The following PDE10A variants were observed in gnomAD, a reference collection of about 807,000 sequenced individuals.
PDE10A encodes phosphodiesterase 10A.
A neutral mutation model predicts 97.7 loss-of-function variants in PDE10A; 39 were observed. The observed-to-expected ratio is 0.40, with a 90% confidence interval of 0.31 to 0.52. The LOEUF (loss-of-function observed/expected upper bound fraction) is 0.52. Among genes scored for constraint, PDE10A ranks in the 20% least tolerant of loss-of-function variants. The probability of loss-of-function intolerance (pLI) is 0.56; values close to 1 mark genes in which losing one functional copy is unlikely to be tolerated. For synonymous variants in PDE10A, 371 were observed against 376.8 expected (o/e 0.98, Z 0.18); for missense variants, 731 against 1,047.8 (o/e 0.70, Z 4.17).
At chr6:165,718,935 C>G (rs1792095045) in intron 1 of PDE10A, among the ~76,000 whole-genome samples, 1 of 151,852 alleles carries the variant, frequency 6.6e-6, no homozygotes, top group Admixed American at 6.6e-5. Flanking sequence ...CTATAATATT[C>G]TCAGAGGAAA....
At chr6:165,392,862 C>G in intron 15 of PDE10A, 66 bp from the exon 16 acceptor site, 2 of 1,426,296 alleles carry the variant, frequency 1.4e-6, no homozygotes, top group Non-Finnish European at 2.0e-6. Context: ...GGAGAACTCC[C>G]TAGTTTAGGT....
intron 1 of PDE10A, among the ~76,000 whole-genome samples, 189 bp from the exon 2 acceptor site, chr6:165,543,757 T>G (rs1783590074): frequency 6.6e-6 from 1 of 152,084 alleles, no homozygotes; most frequent in Non-Finnish European, 1.5e-5. Context: ...GACAGCAAAG[T>G]TTTGGAACTA....
intron 1 of PDE10A, among the ~76,000 whole-genome samples, chr6:165,809,217 G>GC (rs552911508): frequency 7.0e-4 from 106 of 152,320 alleles, no homozygotes; most frequent in African/African-American, 2.5e-3. Flanking sequence ...AAACACTGGT[G>GC]CCCCCCTTCA....
intron 1 of PDE10A, among the ~76,000 whole-genome samples, chr6:165,714,034 T>C (rs917629855): frequency 2.6e-4 from 39 of 152,188 alleles, no homozygotes; most frequent in African/African-American, 8.9e-4. Context: ...CTGTGTGAGC[T>C]CTAATACATG....
At chr6:165,840,086 C>T (rs937018836) in intron 1 of PDE10A, among the ~76,000 whole-genome samples, 1 of 25,772 alleles carries the variant, frequency 3.9e-5, no homozygotes, top group Admixed American at 4.7e-4. Context: ...CCACCTTCAT[C>T]CCCATCCCCA....
chr6:165,559,705 T>C (rs905193520), intron 1 of PDE10A, among the ~76,000 whole-genome samples: 16 of 152,280 alleles, frequency 1.1e-4, no homozygotes, highest in African/African-American at 3.9e-4. Flanking sequence ...CATCTTGAAT[T>C]GTAGCTCCCA....
chr6:165,972,094 T>C (rs1784696717), intron 1 of PDE10A, among the ~76,000 whole-genome samples: 1 of 152,014 alleles, frequency 6.6e-6, no homozygotes, highest in Non-Finnish European at 1.5e-5. Context: ...TGAAAGAATC[T>C]CACTTAAAGA....
intron 18 of PDE10A, among the ~76,000 whole-genome samples, chr6:165,372,902 G>C (rs1267044485): frequency 1.3e-5 from 2 of 151,856 alleles, no homozygotes; most frequent in East Asian, 1.9e-4. Flanking sequence ...TGGAACAGAA[G>C]AGAGCCCTCA....
chr6:165,369,555 C>A (rs1158532461), intron 18 of PDE10A, among the ~76,000 whole-genome samples: 4 of 145,770 alleles, frequency 2.7e-5, no homozygotes, highest in Non-Finnish European at 6.0e-5. Flanking sequence ...ATGAGCAAAG[C>A]CTCCAAGAAA....
At chr6:165,815,773 CTT>C (rs1779392893) in intron 1 of PDE10A, among the ~76,000 whole-genome samples, 1 of 151,946 alleles carries the variant, frequency 6.6e-6, no homozygotes, top group South Asian at 2.1e-4. Context: ...TACTTTCACT[CTT>C]TTTTAAATAG....
chr6:165,477,239 G>C (rs1779344705), intron 3 of PDE10A, among the ~76,000 whole-genome samples: 1 of 152,132 alleles, frequency 6.6e-6, no homozygotes, highest in African/African-American at 2.4e-5. Flanking sequence ...CATCTGCATG[G>C]AAAGCTCCTA....
chr6:165,624,528 C>T (rs1788293059), intron 1 of PDE10A, among the ~76,000 whole-genome samples: 1 of 152,200 alleles, frequency 6.6e-6, no homozygotes. Context: ...CCTCCTAAAA[C>T]TTAACATTCT....
chr6:165,945,638 A>C (rs1783740520), intron 1 of PDE10A, among the ~76,000 whole-genome samples: 1 of 152,196 alleles, frequency 6.6e-6, no homozygotes, highest in African/African-American at 2.4e-5. Flanking sequence ...CGGAGGTGCC[A>C]TCTACAAACC....
chr6:165,404,117 T>C (rs1181580459), intron 13 of PDE10A, among the ~76,000 whole-genome samples: 3 of 152,306 alleles, frequency 2.0e-5, no homozygotes, highest in Non-Finnish European at 4.4e-5. Flanking sequence ...GACAGATACC[T>C]CAGTCACACC....
chr6:165,432,122 C>T (rs1289605138), intron 7 of PDE10A, among the ~76,000 whole-genome samples: 4 of 152,048 alleles, frequency 2.6e-5, no homozygotes, highest in African/African-American at 9.7e-5. Flanking sequence ...TAGTAAATAA[C>T]AGAAATGGAG....
chr6:165,630,285 T>C lies in PDE10A; in HGVS notation c.865+31662A>G, dbSNP rs530297221. Among the ~76,000 whole-genome samples the C allele has an allele frequency of 9.9e-5, 15 of 152,078 alleles. No homozygotes were observed. In the South Asian group the frequency reaches 1.3e-3, roughly 13 times the overall value. ...ATCACTTGAGCCAGGGAAGCGGAGATTGAAGTAAGCCAAGATTGCACCACT... is the reference window on the plus strand; with the variant it reads ...ATCACTTGAGCCAGGGAAGCGGAGACTGAAGTAAGCCAAGATTGCACCACT... On this transcript the variant is annotated intron_variant, in intron 1 of 21. Transcript: ENST00000539869.
At chr6:165,925,490 C>T (rs1311072471) in intron 1 of PDE10A, among the ~76,000 whole-genome samples, 2 of 152,154 alleles carry the variant, frequency 1.3e-5, no homozygotes, top group African/African-American at 2.4e-5. Context: ...GGAAATAACC[C>T]AAATATCTTT....
rs1562809620 is a variant in PDE10A at position 165,943,213 on chromosome 6, A to AGG, written c.-615+44315_-615+44316insCC. ...AAAGAAAGAAAGAAAGAAAGAAAGAAAGAAAGAAAGAAAGAAAGAAAGAAG... is the reference window on the plus strand; with the variant it reads ...AAAGAAAGAAAGAAAGAAAGAAAGAAGGAGAAAGAAAGAAAGAAAGAAAGAAG... On this transcript the variant is annotated intron_variant, in intron 1 of 19. Coordinates refer to the PDE10A transcript ENST00000366882. Among the ~76,000 whole-genome samples, 182 of 92,766 alleles carry AGG rather than the reference A, an allele frequency of 2.0e-3. 5 individuals are homozygous for AGG. The highest frequency in any genetic ancestry group is 3.5e-3 in the African/African-American group (70 of 19,774). 60.9% of individuals were successfully genotyped at this position (92,766 alleles called of 152,430 possible).
intron 1 of PDE10A, among the ~76,000 whole-genome samples, chr6:165,796,674 C>T (rs1224216902): frequency 6.6e-6 from 1 of 152,164 alleles, no homozygotes. Context: ...ATCAACTCTC[C>T]TCAATGATTC....
Sources: gnomAD v4.1 joint callset for allele counts (sites outside exome capture counted in the v4.1 genomes callset) on GRCh38, gnomAD v4.1.1 for gene constraint, MANE v1.5 for transcripts, NCBI Gene and HGNC (gene_info 2026-07-23, HGNC 2026-07-21) for gene names.